CCDC3: variants seen among roughly 807,000 people sequenced by gnomAD.
CCDC3 encodes coiled-coil domain-containing protein 3.
Under a neutral mutation model 21.4 loss-of-function variants are expected in CCDC3, and 24 were observed. The observed-to-expected ratio is 1.12, with a 90% CI of 0.81 to 1.58. The LOEUF is 1.58. CCDC3 is among the 40% of genes most tolerant of loss of function. The pLI, the probability that CCDC3 is intolerant of heterozygous loss-of-function variation, is 0.00. For synonymous variants in CCDC3, 186 were observed against 166.0 expected, an observed-to-expected ratio of 1.12 and a Z score of -0.93; for missense variants, 425 against 360.9, an observed-to-expected ratio of 1.18 and a Z score of -1.44.
chr10:13,072,673 T>C lies in CCDC3; in HGVS notation c.-270+1195A>G, dbSNP rs988018650. 8.6e-5 allele frequency among the ~76,000 whole-genome samples: 13 copies of C among 151,020 alleles called. No individual in the cohort carries two copies. The East Asian group carries it at 2.5e-3, about 30-fold the overall frequency. On this transcript the variant is annotated intron_variant, in intron 4 of 6. Transcript: ENST00000378839. ...AGGACTCCATCTCACTTTGCTGAGT[T>C]TTTTCTTTTTTTTTCCCCCTTTTGC...
intron 4 of CCDC3, chr10:13,058,713 A>G (rs1266495131): frequency 2.7e-6 from 1 of 364,254 alleles, no homozygotes; most frequent in Non-Finnish European, 5.1e-6. Flanking sequence ...GGCTCGACAG[A>G]GACCTGCAGG....
intron 4 of CCDC3, among the ~76,000 whole-genome samples, chr10:13,070,234 A>T (rs1041655895): frequency 6.6e-6 from 1 of 152,194 alleles, no homozygotes; most frequent in Non-Finnish European, 1.5e-5. Flanking sequence ...AATTTGGAGT[A>T]TATTTGTCTC....
chr10:13,090,091 CTTTT>C (rs1231936142), intron 3 of CCDC3, among the ~76,000 whole-genome samples: 2 of 106,436 alleles, frequency 1.9e-5, no homozygotes, highest in Non-Finnish European at 3.8e-5. Flanking sequence ...CCGTTTCTTT[CTTTT>C]TTTTTTTTTT....
chr10:12,994,509 A>G (rs1364728731), intron 2 of CCDC3, among the ~76,000 whole-genome samples: 2 of 152,136 alleles, frequency 1.3e-5, no homozygotes, highest in Non-Finnish European at 2.9e-5. Flanking sequence ...ATCGGCACAT[A>G]ATACAAGAAA....
rs1178551873 is a variant in CCDC3, at chr10:13,057,752, G to A, written c.-269-7811C>T. The A allele has an allele frequency of 4.7e-5, 10 of 211,500 alleles. No homozygotes were observed. In the East Asian group the frequency reaches 1.2e-3, roughly 26 times the overall value. 13.1% of individuals were successfully genotyped at this position (211,500 alleles called of 1,614,324 possible). On this transcript the variant is annotated intron_variant, in intron 4 of 6. Coordinates refer to the CCDC3 transcript ENST00000378839. ...AAATTAGCTGGGCGTGGTGGTGGGT[G>A]CCTGTAAATCCCAGCTACTCAGGAG... is the stretch of plus-strand genomic sequence containing the variant.
In CCDC3 at chr10:13,086,582, G is replaced by A. The variant is rs560533458; in HGVS notation, c.-503+11943C>T. 5.9e-5 allele frequency among the ~76,000 whole-genome samples: 9 copies of A among 152,272 alleles called. No individual in the cohort carries two copies. The East Asian group carries it at 1.7e-3, about 29-fold the overall frequency. On this transcript the variant is annotated intron_variant, in intron 3 of 6. Coordinates refer to the CCDC3 transcript ENST00000378839. Reference sequence around the variant, plus strand: ...CTGCCTCAGCCTCCCCAGCAGCTGGGATTACAGGCACATGCCACCACGCCC... The same window carrying A: ...CTGCCTCAGCCTCCCCAGCAGCTGGAATTACAGGCACATGCCACCACGCCC...
At chr10:12,955,029 C>G (rs1054158284) in intron 2 of CCDC3, among the ~76,000 whole-genome samples, 2 of 149,872 alleles carry the variant, frequency 1.3e-5, no homozygotes, top group Non-Finnish European at 2.9e-5. Context: ...CACAGCCTAG[C>G]ACTTCACACG....
chr10:13,064,126 A>T (rs760734051), intron 4 of CCDC3, among the ~76,000 whole-genome samples: 1 of 152,100 alleles, frequency 6.6e-6, no homozygotes, highest in Non-Finnish European at 1.5e-5. Flanking sequence ...GGGTTTCACC[A>T]TGTTGGCCAG....
At chr10:12,986,027 C>T (rs1395034511) in intron 2 of CCDC3, among the ~76,000 whole-genome samples, 2 of 152,224 alleles carry the variant, frequency 1.3e-5, no homozygotes, top group African/African-American at 2.4e-5. Flanking sequence ...AGGCGCCCGC[C>T]ACCACGCCCA....
At chr10:13,002,617 C>T (rs1161191909), upstream of CCDC3, among the ~76,000 whole-genome samples, 1 of 152,154 alleles carries the variant, frequency 6.6e-6, no homozygotes, top group Non-Finnish European at 1.5e-5. Context: ...TGGGCTCAAT[C>T]GATCCTCCCA....
In CCDC3 at chr10:13,001,418, C is replaced by G. The variant is rs770509572; in HGVS notation, c.153G>C (p.Leu51=). ...ETIVYARVLA[L]HPEAPGLYNH... is the part of the protein sequence containing the mutation. ...TGTAGAGGCCGGGCGCCTCGGGGTG[C>G]AGCGCCAGCACCCTGGCGTACACGA... Residue 51 remains leucine, a synonymous_variant, in exon 1 of 3, where the codon CTG becomes CTC. Coordinates refer to ENST00000378825, the MANE Select transcript of CCDC3 (RefSeq NM_031455.4). The G allele has an allele frequency of 6.2e-5, 96 of 1,548,740 alleles. No individual in the cohort carries two copies. Among genetic ancestry groups the G allele is most frequent in the Non-Finnish European group, 8.1e-5 (93 of 1,147,336 alleles).
chr10:12,989,106 A>G (rs566022665), intron 2 of CCDC3, among the ~76,000 whole-genome samples: 15 of 152,334 alleles, frequency 9.8e-5, no homozygotes, highest in Middle Eastern at 3.4e-3. Flanking sequence ...AAAGGTCTTC[A>G]TAGCCCCCTA....
chr10:12,980,867 T>G (rs905861240), intron 2 of CCDC3, among the ~76,000 whole-genome samples: 1 of 151,888 alleles, frequency 6.6e-6, no homozygotes, highest in African/African-American at 2.4e-5. Context: ...CTCAGAATCT[T>G]CTATCTCCTA....
intron 5 of CCDC3, among the ~76,000 whole-genome samples, chr10:13,010,200 A>G (rs1452082770): frequency 6.6e-6 from 1 of 152,192 alleles, no homozygotes; most frequent in African/African-American, 2.4e-5. Context: ...GTGAGCCAAG[A>G]TCATGCCACT....
chr10:12,974,515 G>T (rs1835387787), intron 2 of CCDC3, among the ~76,000 whole-genome samples: 1 of 152,254 alleles, frequency 6.6e-6, no homozygotes, highest in Non-Finnish European at 1.5e-5. Context: ...AATTGTACGT[G>T]TGTCTGTTCT....
At chr10:13,003,353 G>A (rs749055973), upstream of CCDC3, among the ~76,000 whole-genome samples, 1 of 152,078 alleles carries the variant, frequency 6.6e-6, no homozygotes, top group Non-Finnish European at 1.5e-5. Context: ...CAGGCACAGA[G>A]AAGTTAATTG....
chr10:13,027,181 G>A (rs1487171218), intron 5 of CCDC3, among the ~76,000 whole-genome samples: 1 of 152,160 alleles, frequency 6.6e-6, no homozygotes, highest in Non-Finnish European at 1.5e-5. Context: ...CTCATCAGGG[G>A]TGAGCTTAGG....
intron 5 of CCDC3, among the ~76,000 whole-genome samples, chr10:13,030,777 T>C (rs1474456047): frequency 6.6e-6 from 1 of 152,162 alleles, no homozygotes; most frequent in African/African-American, 2.4e-5. Flanking sequence ...AAGGGATCAA[T>C]TCAACAAGAA....
chr10:12,985,130 CA>C (rs112195656), intron 2 of CCDC3, among the ~76,000 whole-genome samples: 3 of 152,014 alleles, frequency 2.0e-5, no homozygotes, highest in African/African-American at 7.2e-5. Context: ...TGGTAAAGAA[CA>C]AAAAATATGA....
Sources: allele counts gnomAD v4.1 joint callset (sites outside exome capture counted in the v4.1 genomes callset), GRCh38; gene constraint gnomAD v4.1.1; transcripts MANE v1.5; gene names NCBI Gene and HGNC (gene_info 2026-07-23, HGNC 2026-07-21).